EXOC1: variants seen among roughly 807,000 people sequenced by gnomAD.
EXOC1 encodes SEC3-like 1.
Under a neutral mutation model 107.7 loss-of-function variants are expected in EXOC1, and 67 were observed. The observed-to-expected ratio is 0.62, with a 90% CI of 0.51 to 0.76. EXOC1 has a LOEUF of 0.76. Ranked by LOEUF, EXOC1 falls within the 30% of genes least tolerant of loss-of-function variation. EXOC1 has a pLI of 0.00. For synonymous variants in EXOC1, 348 were observed against 353.5 expected (o/e 0.98, Z 0.17); for missense variants, 833 against 1,055.7 (o/e 0.79, Z 2.92).
chr4:55,855,349 A>G (rs1411917736), intron 1 of EXOC1, among the ~76,000 whole-genome samples: 2 of 152,184 alleles, frequency 1.3e-5, no homozygotes, highest in Non-Finnish European at 2.9e-5. Context: ...AGCAGATTTC[A>G]TGTTGATAAG....
In EXOC1 at chr4:55,864,487, C is replaced by T. The variant is rs573672445; in HGVS notation, c.415+101C>T. 86 of 1,016,154 alleles carry T rather than the reference C, an allele frequency of 8.5e-5. No homozygotes were observed. The African/African-American group carries it at 9.2e-4, about 11-fold the overall frequency. 62.9% of individuals were successfully genotyped at this position (1,016,154 alleles called of 1,614,324 possible). A position where few individuals can be genotyped will look rare whatever the true frequency, so the allele number is the denominator to read the frequency against. ...TAATTAGAATACTGAATTATCTTAT[C>T]GTAAAAGAACTTTAAAATAATTTTT... On this transcript the variant is annotated intron_variant, in intron 4 of 18. Coordinates refer to ENST00000381295, the MANE Select transcript of EXOC1 (RefSeq NM_001024924.2).
At chr4:55,856,059 TACA>T (rs1720936574) in intron 1 of EXOC1, among the ~76,000 whole-genome samples, 2 of 152,116 alleles carry the variant, frequency 1.3e-5, no homozygotes, top group South Asian at 2.1e-4. Flanking sequence ...AATAAGGATT[TACA>T]ACAATAGTCA....
chr4:55,897,093 G>T (rs1320480590), intron 16 of EXOC1, among the ~76,000 whole-genome samples, 193 bp downstream of exon 16: 1 of 150,040 alleles, frequency 6.7e-6, no homozygotes, highest in Non-Finnish European at 1.5e-5. Context: ...ACATTTTAGG[G>T]TTTATGTGGG....
intron 1 of EXOC1, among the ~76,000 whole-genome samples, chr4:55,857,185 T>C (rs1721068453): frequency 8.1e-6 from 1 of 123,466 alleles, no homozygotes; most frequent in Non-Finnish European, 1.7e-5. Flanking sequence ...TTTTTTTTTT[T>C]TTTTTTTTTT....
At chr4:55,883,570 CA>C in intron 9 of EXOC1, 1 of 286,506 alleles carries the variant, frequency 3.5e-6, no homozygotes. Flanking sequence ...TTAAAATATG[CA>C]AAAGGTAATA....
chr4:55,862,761 A>G (rs917564232), intron 3 of EXOC1, among the ~76,000 whole-genome samples: 3 of 152,180 alleles, frequency 2.0e-5, no homozygotes, highest in African/African-American at 4.8e-5. Context: ...ACTTTAATGT[A>G]TTTACATTTC....
At chr4:55,864,114 AT>A (rs1721736487) in intron 3 of EXOC1, 112 bp from the exon 4 acceptor site, 2 of 692,570 alleles carry the variant, frequency 2.9e-6, no homozygotes, top group Non-Finnish European at 4.6e-6. Context: ...TGCTTAGCTG[AT>A]TTTTAATACT....
intron 5 of EXOC1, among the ~76,000 whole-genome samples, chr4:55,870,447 C>G (rs993237725): frequency 5.3e-5 from 8 of 152,134 alleles, no homozygotes; most frequent in African/African-American, 1.4e-4. Flanking sequence ...AAGGCATGGT[C>G]CCTAACATTG....
rs1316695185 is a variant in EXOC1 at position 55,888,245 on chromosome 4, G to A, written c.1331-643G>A. Among the ~76,000 whole-genome samples, 2 of 152,192 alleles carry A rather than the reference G, an allele frequency of 1.3e-5. 1 individual carries two copies. Among genetic ancestry groups the A allele is most frequent in the South Asian group, 4.1e-4 (2 of 4,828 alleles). On this transcript the variant is annotated intron_variant, in intron 10 of 18. Coordinates refer to ENST00000381295, the MANE Select transcript of EXOC1 (RefSeq NM_001024924.2). ...GAGTTCAAATTCTTATATTACATCT[G>A]TTCCCTAAACTTTACCCTTTTATTC...
chr4:55,877,252 A>G, intron 8 of EXOC1: 1 of 985,402 alleles, frequency 1.0e-6, no homozygotes, highest in South Asian at 4.7e-5. Context: ...AGTCTGTGTA[A>G]TTTTAATACA....
intron 8 of EXOC1, chr4:55,876,252 C>G: frequency 2.0e-6 from 2 of 985,314 alleles, no homozygotes; most frequent in Non-Finnish European, 2.4e-6. Flanking sequence ...CTCATTGATT[C>G]TTTTGGAAGA....
intron 3 of EXOC1, 83 bp from the exon 4 acceptor site, chr4:55,864,144 G>A (rs1721742558): frequency 2.3e-6 from 2 of 876,174 alleles, no homozygotes; most frequent in South Asian, 4.3e-5. Flanking sequence ...TCCAAAAACA[G>A]CGTAAATGCC....
intron 3 of EXOC1, among the ~76,000 whole-genome samples, chr4:55,863,872 A>G (rs897877419): frequency 4.6e-5 from 7 of 152,208 alleles, no homozygotes; most frequent in South Asian, 2.1e-4. Flanking sequence ...CTAAAACTCT[A>G]TAGGCAATTT....
At chr4:55,884,129 C>T (rs575983288) in intron 10 of EXOC1, among the ~76,000 whole-genome samples, 1 of 152,244 alleles carries the variant, frequency 6.6e-6, no homozygotes, top group East Asian at 1.9e-4. Flanking sequence ...TAAAATTCTG[C>T]AGTATGTGAC....
At chr4:55,873,913 A>G (rs1055684055) in intron 8 of EXOC1, among the ~76,000 whole-genome samples, 1 of 152,138 alleles carries the variant, frequency 6.6e-6, no homozygotes, top group African/African-American at 2.4e-5. Flanking sequence ...CTCACTGTCT[A>G]CCATATATAA....
intron 5 of EXOC1, among the ~76,000 whole-genome samples, chr4:55,869,567 C>T (rs1722245777): frequency 6.6e-6 from 1 of 151,798 alleles, no homozygotes; most frequent in Admixed American, 6.6e-5. Flanking sequence ...TGACTCAGGC[C>T]CAGAGAGATT....
chr4:55,903,147 T>TAAAAAAAAAAAAAAAAAAAAAAAAA (rs10544843), intron 18 of EXOC1, among the ~76,000 whole-genome samples: 1 of 98,512 alleles, frequency 1.0e-5, no homozygotes, highest in African/African-American at 3.3e-5. Context: ...GTGTCTCAAT[T>TAAAAAAAAAAAAAAAAAAAAAAAAA]AAAAAAAAAA....
chr4:55,856,623 G>A (rs1235948788), intron 1 of EXOC1, among the ~76,000 whole-genome samples: 1 of 152,142 alleles, frequency 6.6e-6, no homozygotes, highest in East Asian at 1.9e-4. Flanking sequence ...TAGTGTTTTA[G>A]AAGTTAGTGT....
chr4:55,881,375 C>A (rs1723364120), intron 9 of EXOC1, among the ~76,000 whole-genome samples: 1 of 152,094 alleles, frequency 6.6e-6, no homozygotes, highest in African/African-American at 2.4e-5. Flanking sequence ...CTCAGTTTTA[C>A]ATTTGTAGAA....
Sources: allele counts gnomAD v4.1 joint callset (sites outside exome capture counted in the v4.1 genomes callset), GRCh38; gene constraint gnomAD v4.1.1; transcripts MANE v1.5; gene names NCBI Gene and HGNC (gene_info 2026-07-23, HGNC 2026-07-21).